Variants in TMC1 observed in about 807,000 individuals in gnomAD.
The protein encoded by TMC1 is transmembrane channel-like protein 1.
A neutral mutation model predicts 105.8 loss-of-function variants in TMC1; 84 were observed. That is an observed-to-expected ratio of 0.79 (90% CI 0.67 to 0.95). The LOEUF is 0.95. Among genes scored for constraint, TMC1 ranks in the 40% least tolerant of loss-of-function variants. The pLI, the probability that TMC1 is intolerant of heterozygous loss-of-function variation, is 0.00. For missense variants in TMC1, 817 were observed against 914.1 expected, an observed-to-expected ratio of 0.89 and a Z score of 1.37; for synonymous variants, 315 against 311.5, an observed-to-expected ratio of 1.01 and a Z score of -0.12.
At chr9:72,698,504 A>G (rs540266015) in intron 7 of TMC1, among the ~76,000 whole-genome samples, 1 of 152,224 alleles carries the variant, frequency 6.6e-6, no homozygotes, top group Non-Finnish European at 1.5e-5. Flanking sequence ...GAATTGGATT[A>G]CAATTTTTGT....
chr9:72,591,335 C>T (rs1363806572), intron 2 of TMC1, among the ~76,000 whole-genome samples: 1 of 152,132 alleles, frequency 6.6e-6, no homozygotes, highest in African/African-American at 2.4e-5. Context: ...AATATCAAAG[C>T]CTTGGTGTCA....
intron 2 of TMC1, among the ~76,000 whole-genome samples, chr9:72,598,952 T>C (rs1824763265): frequency 6.6e-6 from 1 of 152,204 alleles, no homozygotes; most frequent in Non-Finnish European, 1.5e-5. Flanking sequence ...TTGGTATTAA[T>C]TGAGCAAGGA....
intron 4 of TMC1, among the ~76,000 whole-genome samples, chr9:72,644,984 A>C (rs1394675906): frequency 6.6e-6 from 1 of 152,322 alleles, no homozygotes; most frequent in Non-Finnish European, 1.5e-5. Flanking sequence ...CGTGGGTGAA[A>C]AAAGGGTGAA....
intron 17 of TMC1, among the ~76,000 whole-genome samples, chr9:72,795,646 A>T (rs1828351445): frequency 6.6e-6 from 1 of 152,214 alleles, no homozygotes; most frequent in Non-Finnish European, 1.5e-5. Flanking sequence ...TCTTGAAAGG[A>T]GCACTAAATG....
At chr9:72,729,022 A>G (rs1376534504) in intron 8 of TMC1, among the ~76,000 whole-genome samples, 2 of 152,132 alleles carry the variant, frequency 1.3e-5, no homozygotes, top group African/African-American at 4.8e-5. Flanking sequence ...TAAGCCAGCC[A>G]TGAAAATTAG....
chr9:72,731,135 A>C (rs745713107), intron 8 of TMC1, among the ~76,000 whole-genome samples: 9 of 152,260 alleles, frequency 5.9e-5, no homozygotes, highest in Non-Finnish European at 1.2e-4. Context: ...CCACGACCTG[A>C]CAGTCATCTG....
At chr9:72,727,673 C>G (rs1405570933) in intron 8 of TMC1, among the ~76,000 whole-genome samples, 1 of 152,072 alleles carries the variant, frequency 6.6e-6, no homozygotes, top group East Asian at 1.9e-4. Flanking sequence ...TATTCTTGGG[C>G]TGGTGATTTT....
At chr9:72,747,182 G>T (rs1383461369) in intron 10 of TMC1, among the ~76,000 whole-genome samples, 1 of 152,076 alleles carries the variant, frequency 6.6e-6, no homozygotes, top group African/African-American at 2.4e-5. Context: ...AAAGCACAGG[G>T]CTTAAACCTT....
intron 1 of TMC1, among the ~76,000 whole-genome samples, chr9:72,576,618 C>CTTTT (rs71357588): frequency 7.4e-6 from 1 of 135,138 alleles, no homozygotes; most frequent in Non-Finnish European, 1.5e-5. Flanking sequence ...CTCCCAATTT[C>CTTTT]TTTTTTTTTT....
intron 1 of TMC1, among the ~76,000 whole-genome samples, chr9:72,576,359 GTCTC>G (rs1472109845): frequency 1.3e-5 from 2 of 151,472 alleles, no homozygotes; most frequent in African/African-American, 4.9e-5. Context: ...CTTCCTTCTT[GTCTC>G]TCTCCTCCTC....
chr9:72,681,959 G>T (rs891597261), intron 5 of TMC1, among the ~76,000 whole-genome samples: 3 of 152,044 alleles, frequency 2.0e-5, no homozygotes. Flanking sequence ...AGGGCCTAAA[G>T]AGTCTCAGAA....
intron 8 of TMC1, among the ~76,000 whole-genome samples, chr9:72,706,649 C>T (rs1353164428): frequency 1.3e-5 from 2 of 152,198 alleles, no homozygotes; most frequent in African/African-American, 4.8e-5. Context: ...GCTTAGCTTC[C>T]ACTTACGAAT....
chr9:72,673,912 C>G (rs1484697062), intron 5 of TMC1, among the ~76,000 whole-genome samples: 3 of 152,136 alleles, frequency 2.0e-5, no homozygotes, highest in Admixed American at 6.6e-5. Context: ...TATTTCCCAA[C>G]TCTCCCTGAG....
intron 10 of TMC1, among the ~76,000 whole-genome samples, chr9:72,742,996 G>A (rs530107060): frequency 3.3e-5 from 5 of 152,332 alleles, no homozygotes; most frequent in African/African-American, 1.2e-4. Context: ...AGCACTTTGG[G>A]AGGTTGAGGT....
At chr9:72,650,081 C>G (rs1474294098) in intron 5 of TMC1, among the ~76,000 whole-genome samples, 1 of 151,996 alleles carries the variant, frequency 6.6e-6, no homozygotes, top group Non-Finnish European at 1.5e-5. Flanking sequence ...TATGCTGTTG[C>G]AGAAAATATG....
At chr9:72,681,595 G>A (rs1826287633) in intron 5 of TMC1, among the ~76,000 whole-genome samples, 1 of 152,022 alleles carries the variant, frequency 6.6e-6, no homozygotes, top group Non-Finnish European at 1.5e-5. Context: ...AAACATACCA[G>A]CAACCCACTT....
At chr9:72,806,277 T>C in intron 18 of TMC1, among the ~76,000 whole-genome samples, 1 of 144,910 alleles carries the variant, frequency 6.9e-6, no homozygotes, top group East Asian at 2.1e-4. Flanking sequence ...GAGGGGCTCC[T>C]CACTTCCCAG....
chr9:72,744,970 C>G lies in TMC1; in HGVS notation c.535+2445C>G, dbSNP rs371424314. On this transcript the variant is annotated intron_variant, in intron 10 of 23. Transcript: ENST00000297784. ...ATAATAACCTTCAGTTATCTCCTCT[C>G]TTCTTCTCTTCTTCTAGTAAATTTG... is the stretch of plus-strand genomic sequence containing the variant. Among the ~76,000 whole-genome samples the G allele has an allele frequency of 1.3e-4, 20 of 152,258 alleles. No individual in the cohort carries two copies. The East Asian group carries it at 2.5e-3, about 19-fold the overall frequency.
intron 2 of TMC1, among the ~76,000 whole-genome samples, chr9:72,607,000 T>TAGAGAG (rs796092443): frequency 0.063 from 8,096 of 128,346 alleles, 313 homozygotes; most frequent in African/African-American, 0.12. Context: ...TATATATATA[T>TAGAGAG]ATAGAGAGAG....
Sources: allele counts gnomAD v4.1 joint callset (sites outside exome capture counted in the v4.1 genomes callset), GRCh38; gene constraint gnomAD v4.1.1; transcripts MANE v1.5; gene names NCBI Gene and HGNC (gene_info 2026-07-23, HGNC 2026-07-21).